The following RTEL1 variants were observed in gnomAD, a reference collection of about 807,000 sequenced individuals.
RTEL1 encodes the protein regulator of telomere length.
RTEL1 carries 86 observed loss-of-function variants against 162.2 expected under a neutral mutation model. That is an observed-to-expected ratio of 0.53 (90% CI 0.45 to 0.63). The LOEUF (loss-of-function observed/expected upper bound fraction) is 0.63, where lower values mean the gene tolerates loss of function less well. Among genes scored for constraint, RTEL1 ranks in the 30% least tolerant of loss-of-function variants. The probability of loss-of-function intolerance (pLI) is 0.00; values close to 1 mark genes in which losing one functional copy is unlikely to be tolerated. For synonymous variants in RTEL1, 958 were observed against 717.9 expected, an observed-to-expected ratio of 1.33 and a Z score of -5.35; for missense variants, 1,941 against 1,750.2, an observed-to-expected ratio of 1.11 and a Z score of -1.95.
At chr20:63,681,854 C>G in intron 14 of RTEL1, 1 of 985,406 alleles carries the variant, frequency 1.0e-6, no homozygotes, top group Non-Finnish European at 1.2e-6. Flanking sequence ...AACTCCTCCC[C>G]AAAGGCACGG....
chr20:63,690,949 TAC>T lies in RTEL1; in HGVS notation c.2556+4_2556+5del, dbSNP rs2090725399. On this transcript the variant is annotated splice_donor_region_variant and intron_variant, in intron 27 of 34. Coordinates refer to ENST00000360203, the MANE Select transcript of RTEL1 (RefSeq NM_001283009.2). ...GCGGGGAGCCCTGGCGAGGAGCAGG[TAC>T]AGTTCCAGGGCCTTGGGATGGACAC... 1.9e-6 allele frequency: 3 copies of T among 1,548,370 alleles called. No homozygotes were observed. Among genetic ancestry groups the T allele is most frequent in the Non-Finnish European group, 2.6e-6 (3 of 1,146,856 alleles).
intron 14 of RTEL1, among the ~76,000 whole-genome samples, chr20:63,684,646 T>C (rs989428838): frequency 1.3e-5 from 2 of 152,208 alleles, no homozygotes; most frequent in Non-Finnish European, 2.9e-5. Flanking sequence ...CCCAGCCTGA[T>C]ATTTTTAGTA....
Position 63,689,823 on chromosome 20 carries a change from G to C in RTEL1, c.2099G>C (p.Arg700Pro), listed in dbSNP as rs1416515129. 1 of 1,611,712 alleles carries C rather than the reference G, an allele frequency of 6.2e-7. No individual in the cohort carries two copies. Among genetic ancestry groups the C allele is most frequent in the South Asian group, 1.1e-5 (1 of 91,078 alleles). Reference sequence around the variant, plus strand: ...AACCAGGCCATCGGGCGAGTGATCCGGCACCGCCAGGACTACGGAGCTGTC... The same window carrying C: ...AACCAGGCCATCGGGCGAGTGATCCCGCACCGCCAGGACTACGGAGCTGTC... ...AVNQAIGRVI[R>P]HRQDYGAVFL... Residue 700 changes from arginine (R) to proline (P), a missense_variant, in exon 24 of 35, where the codon CGG becomes CCG. Physicochemically the swap from Arg to Pro is moderately radical, Grantham distance 103 (BLOSUM62 -2). Transcript: ENST00000360203.
chr20:63,693,327 G>A (rs6011034), intron 30 of RTEL1, 44 bp downstream of exon 30: 1 of 1,606,828 alleles, frequency 6.2e-7, no homozygotes, highest in African/African-American at 1.3e-5. Context: ...CTGCGTGGAA[G>A]GCAGTGTGGG....
At chr20:63,688,082 G>A in intron 18 of RTEL1, 32 bp downstream of exon 18, 1 of 1,611,666 alleles carries the variant, frequency 6.2e-7, no homozygotes, top group Non-Finnish European at 8.5e-7. Flanking sequence ...CTGCTGGGGT[G>A]GGAGGTGGGG....
At position 63,693,234 on chromosome 20, in the gene RTEL1, G is replaced by C. The variant is rs1409271751; in HGVS notation, c.2943G>C (p.Glu981Asp). The C allele has an allele frequency of 2.5e-6, 4 of 1,611,936 alleles. No individual in the cohort carries two copies. The African/African-American group carries it at 4.0e-5, about 16-fold the overall frequency. The change falls in exon 30 of 35, where the codon GAG (glutamate) becomes GAC (aspartate). Residue 981 changes from glutamate (E) to aspartate (D), a missense_variant. By Grantham distance (45) the Glu-to-Asp change is conservative (BLOSUM62 2). Transcript: ENST00000360203. Reference protein sequence around the residue: ...LTGRGCGYRPEHSIPRRQRAQ... With the variant: ...LTGRGCGYRPDHSIPRRQRAQ... ...GACGAGGCTGTGGCTATCGGCCTGAGCACAGCATTCCCCGAAGGCAGCGGG... is the reference window on the plus strand; with the variant it reads ...GACGAGGCTGTGGCTATCGGCCTGACCACAGCATTCCCCGAAGGCAGCGGG...
At position 63,678,365 on chromosome 20, in the gene RTEL1, G is replaced by A. The variant is rs2090400615; in HGVS notation, c.1037+19G>A. 1 of 1,600,604 alleles carries A rather than the reference G, an allele frequency of 6.2e-7. No individual in the cohort carries two copies. The highest frequency in any genetic ancestry group is 1.3e-5 in the African/African-American group (1 of 74,704). On this transcript the variant is annotated intron_variant, in intron 12 of 34. Transcript: ENST00000360203. ...CAGGGAGGTGAGAGGCGGGGAGCCA[G>A]CCCCTTCACTGCAGGCCCAGCCTAG...
rs776835831 is a variant in RTEL1, at chr20:63,690,082, C to T, written c.2142-5C>T. On this transcript the variant is annotated splice_polypyrimidine_tract_variant and splice_region_variant and intron_variant, in intron 24 of 34. Coordinates refer to ENST00000360203, the MANE Select transcript of RTEL1 (RefSeq NM_001283009.2). Reference sequence around the variant, plus strand: ...CAGGGCAGCAGGGCTATGGCCACCCCCCAGGTTCGCCTTTGCCGACGCAAG... The same window carrying T: ...CAGGGCAGCAGGGCTATGGCCACCCTCCAGGTTCGCCTTTGCCGACGCAAG... The T allele has an allele frequency of 8.1e-6, 13 of 1,610,186 alleles. No homozygotes were observed. The highest frequency in any genetic ancestry group is 1.0e-5 in the Non-Finnish European group (12 of 1,179,536).
chr20:63,675,892 G>A (rs1364233425), intron 10 of RTEL1, among the ~76,000 whole-genome samples: 2 of 152,172 alleles, frequency 1.3e-5, no homozygotes, highest in African/African-American at 2.4e-5. Flanking sequence ...CATAACGTGG[G>A]AGAAACATCC....
At chr20:63,693,570 TCCACCTCCA>T (rs2090862839) in intron 30 of RTEL1, among the ~76,000 whole-genome samples, 11 of 5,738 alleles carry the variant, frequency 1.9e-3, no homozygotes, top group Admixed American at 5.9e-3. Context: ...CTCCACCACC[TCCACCTCCA>T]CCACCACCAC....
In RTEL1 at chr20:63,695,556, T is replaced by C. The variant is rs1264163613; in HGVS notation, c.3728T>C (p.Val1243Ala). 3 of 1,612,288 alleles carry C rather than the reference T, an allele frequency of 1.9e-6. No homozygotes were observed. The highest frequency in any genetic ancestry group is 1.7e-5 in the Admixed American group (1 of 59,986). ...GGCGGGCCCCTCTCAGCAGGCTGTG[T>C]GTGCCAGGGCTGTGGGGCAGAGGAC... is the stretch of plus-strand genomic sequence containing the variant. Reference protein sequence around the residue: ...APGGPLSAGCVCQGCGAEDVV... With the variant: ...APGGPLSAGCACQGCGAEDVV... The change falls in exon 34 of 35, where the codon GTG becomes GCG. Residue 1243 changes from valine (V) to alanine (A), a missense_variant. Coordinates refer to ENST00000360203, the MANE Select transcript of RTEL1 (RefSeq NM_001283009.2).
Position 63,688,287 on chromosome 20 carries a change from C to T in RTEL1, c.1637-14C>T. 6.2e-7 allele frequency: 1 copy of T among 1,611,610 alleles called. No individual in the cohort carries two copies. On this transcript the variant is annotated splice_polypyrimidine_tract_variant and intron_variant, in intron 19 of 34. Coordinates refer to ENST00000360203, the MANE Select transcript of RTEL1 (RefSeq NM_001283009.2). ...ATCCTGCCCCTGCCTTGACCCCGGC[C>T]CCTGCACTTCCAGGCAACATCGCCC...
rs1018750994 is a variant in RTEL1, at chr20:63,668,879, A to G, written c.699+1326A>G. Among the ~76,000 whole-genome samples, 1 of 152,246 alleles carries G rather than the reference A, an allele frequency of 6.6e-6. No individual in the cohort carries two copies. The highest frequency in any genetic ancestry group is 2.4e-5 in the African/African-American group (1 of 41,464). The stretch of plus-strand genomic sequence containing the variant: ...TGGAGGACTCACCTCGCTGGTTTCA[A>G]GACTCCTCTAAAGCTGCAGGAGTGG... On this transcript the variant is annotated intron_variant, in intron 8 of 34. Coordinates refer to ENST00000360203, the MANE Select transcript of RTEL1 (RefSeq NM_001283009.2). The surrounding 1 kb of genome is among the most constrained non-coding windows in gnomAD (Gnocchi z 4.3).
chr20:63,693,906 A>G (rs898482311), intron 30 of RTEL1, among the ~76,000 whole-genome samples: 8 of 150,558 alleles, frequency 5.3e-5, no homozygotes, highest in South Asian at 4.2e-4. Flanking sequence ...TGGGGGGTCA[A>G]CTGCACACGC....
intron 22 of RTEL1, 60 bp from the exon 23 acceptor site, chr20:63,689,441 GT>G: frequency 6.8e-7 from 1 of 1,464,000 alleles, no homozygotes; most frequent in South Asian, 1.4e-5. Context: ...GCTGGGCTGG[GT>G]GTGGGCACCA....
chr20:63,681,270 G>A (rs2090472591), intron 14 of RTEL1: 1 of 985,322 alleles, frequency 1.0e-6, no homozygotes, highest in Non-Finnish European at 1.2e-6. Context: ...GGCAGCACCT[G>A]CTTTCCCTGG....
At position 63,687,624 on chromosome 20, in the gene RTEL1, C is replaced by T. The variant is rs373301404; in HGVS notation, c.1349-14C>T. The T allele has an allele frequency of 1.0e-3, 1,667 of 1,598,016 alleles. 3 individuals carry two copies. The highest frequency in any genetic ancestry group is 1.2e-3 in the Non-Finnish European group (1,454 of 1,173,118). Reference sequence around the variant, plus strand: ...CCTCACACTCTGTGCCCTCTGCCGCCCCCCGCCCCACAGGGAAGGTGCTGA... The same window carrying T: ...CCTCACACTCTGTGCCCTCTGCCGCTCCCCGCCCCACAGGGAAGGTGCTGA... On this transcript the variant is annotated splice_polypyrimidine_tract_variant and intron_variant, in intron 16 of 34. Coordinates refer to ENST00000360203, the MANE Select transcript of RTEL1 (RefSeq NM_001283009.2).
Position 63,662,908 on chromosome 20 carries a change from G to A in RTEL1, c.538+19G>A, listed in dbSNP as rs1164367985. The A allele has an allele frequency of 6.2e-7, 1 of 1,612,346 alleles. No individual in the cohort carries two copies. The highest frequency in any genetic ancestry group is 2.2e-5 in the East Asian group (1 of 44,890). On this transcript the variant is annotated intron_variant, in intron 6 of 34. Coordinates refer to ENST00000360203, the MANE Select transcript of RTEL1 (RefSeq NM_001283009.2). ...GTAGAAGGTACAAGCAGCTGGGTGG[G>A]ACCAGGGTCGGGTTGGAGTGTGTGC...
chr20:63,665,196 C>T (rs867794996), intron 6 of RTEL1: 2 of 152,826 alleles, frequency 1.3e-5, no homozygotes, highest in African/African-American at 2.4e-5. Context: ...GGGCCTGGCA[C>T]CTCCTGGGGA....
Sources: gnomAD v4.1 joint callset for allele counts (sites outside exome capture counted in the v4.1 genomes callset) on GRCh38, gnomAD v4.1.1 for gene constraint, Gnocchi (gnomAD v3.1) non-coding constraint, MANE v1.5 for transcripts, NCBI Gene and HGNC (gene_info 2026-07-23, HGNC 2026-07-21) for gene names.